PIAS1: variants seen among roughly 807,000 people sequenced by gnomAD.
PIAS1 encodes the protein protein inhibitor of activated STAT 1, also known as E3 SUMO-protein ligase PIAS1.
A neutral mutation model predicts 71.3 loss-of-function variants in PIAS1; 6 were observed. That is an observed-to-expected ratio of 0.08 (90% confidence interval 0.05 to 0.17). The LOEUF (loss-of-function observed/expected upper bound fraction) is 0.17. PIAS1 is among the 10% of genes least tolerant of loss of function. The probability of loss-of-function intolerance (pLI) is 1.00; values close to 1 mark genes in which losing one functional copy is unlikely to be tolerated. For missense variants in PIAS1, 555 were observed against 793.6 expected, an observed-to-expected ratio of 0.70 and a Z score of 3.61; for synonymous variants, 303 against 292.9, an observed-to-expected ratio of 1.03 and a Z score of -0.35.
intron 4 of PIAS1, among the ~76,000 whole-genome samples, chr15:68,143,166 T>C (rs2092784105): frequency 6.6e-6 from 1 of 152,078 alleles, no homozygotes; most frequent in Non-Finnish European, 1.5e-5. Context: ...GGAATAGGGA[T>C]GGAAGAGAAA....
chr15:68,067,596 A>G (rs1288835040), intron 1 of PIAS1, among the ~76,000 whole-genome samples: 1 of 152,130 alleles, frequency 6.6e-6, no homozygotes, highest in South Asian at 2.1e-4. Flanking sequence ...TTATAATACA[A>G]ACTATATTAA....
At chr15:68,177,090 G>T (rs946048708) in intron 11 of PIAS1, among the ~76,000 whole-genome samples, 4 of 151,808 alleles carry the variant, frequency 2.6e-5, no homozygotes, top group Admixed American at 1.3e-4. Flanking sequence ...GACCAGCCTG[G>T]GCAACATGGT....
chr15:68,098,044 C>T (rs530747040), intron 2 of PIAS1, among the ~76,000 whole-genome samples: 1 of 152,002 alleles, frequency 6.6e-6, no homozygotes, highest in African/African-American at 2.4e-5. Flanking sequence ...TTACTCTGTT[C>T]CACTGGTCTA....
chr15:68,143,114 T>C lies in PIAS1; in HGVS notation c.602+777T>C, dbSNP rs182140848. ...CTCCCTTATATAAACCATCATATTA[T>C]GCTTTATTATTCGATTTACCAACTT... is the stretch of plus-strand genomic sequence containing the variant. On this transcript the variant is annotated intron_variant, in intron 4 of 13. Coordinates refer to ENST00000249636, the MANE Select transcript of PIAS1 (RefSeq NM_016166.3). 2.6e-5 allele frequency among the ~76,000 whole-genome samples: 4 copies of C among 152,166 alleles called. No homozygotes were observed. The East Asian group carries it at 7.7e-4, about 29-fold the overall frequency.
chr15:68,139,117 C>T (rs1287167317), intron 2 of PIAS1, among the ~76,000 whole-genome samples: 1 of 152,182 alleles, frequency 6.6e-6, no homozygotes, highest in Non-Finnish European at 1.5e-5. Flanking sequence ...GTGTATGTTT[C>T]TGTGTTTAAA....
At chr15:68,124,412 T>TC (rs1314760413) in intron 2 of PIAS1, among the ~76,000 whole-genome samples, 1 of 151,542 alleles carries the variant, frequency 6.6e-6, no homozygotes, top group Non-Finnish European at 1.5e-5. Context: ...TTTTGTTTTT[T>TC]TTTTTTCATT....
At position 68,054,853 on chromosome 15, in the gene PIAS1, C is replaced by G. The variant is rs2091878211; in HGVS notation, c.24+503C>G. 6.6e-6 allele frequency: 1 copy of G among 152,446 alleles called. No individual in the cohort carries two copies. The highest frequency in any genetic ancestry group is 2.1e-4 in the South Asian group (1 of 4,868). 9.4% of individuals were successfully genotyped at this position (152,446 alleles called of 1,614,324 possible). On this transcript the variant is annotated intron_variant, in intron 1 of 13. Coordinates refer to ENST00000249636, the MANE Select transcript of PIAS1 (RefSeq NM_016166.3). This position sits in a 1 kb window ranked among gnomAD's most constrained non-coding sequence, Gnocchi z 4.6. ...TCGGCCGCCCCGCCCCTCCGTGGAT[C>G]CCAGTAGCCCCCGCCCCGGACTCGG...
intron 8 of PIAS1, among the ~76,000 whole-genome samples, chr15:68,166,796 A>C (rs916840526): frequency 2.0e-5 from 3 of 152,150 alleles, no homozygotes; most frequent in African/African-American, 7.2e-5. Flanking sequence ...ATTACTAGAA[A>C]CTATTAATCA....
At chr15:68,142,085 A>T in intron 3 of PIAS1, 55 bp downstream of exon 3, 1 of 1,208,306 alleles carries the variant, frequency 8.3e-7, no homozygotes, top group Non-Finnish European at 1.2e-6. Flanking sequence ...AGTAGTCTAT[A>T]ATAAATGATT....
At position 68,186,651 on chromosome 15, in the gene PIAS1, C is replaced by A. The variant is rs2093089733; in HGVS notation, c.1663-891C>A. Among the ~76,000 whole-genome samples the A allele has an allele frequency of 6.6e-6, 1 of 152,242 alleles. No individual in the cohort carries two copies. The highest frequency in any genetic ancestry group is 6.5e-5 in the Admixed American group (1 of 15,286). ...TCACTGGCTCACCCAGAGCAACTTC[C>A]AGTACTGCAGGCTCCATTCATGGTA... On this transcript the variant is annotated intron_variant, in intron 13 of 13. Coordinates refer to ENST00000249636, the MANE Select transcript of PIAS1 (RefSeq NM_016166.3). This position sits in a 1 kb window ranked among gnomAD's most constrained non-coding sequence, Gnocchi z 4.4.
intron 13 of PIAS1, chr15:68,184,681 G>A (rs2093075948): frequency 6.6e-6 from 1 of 152,278 alleles, no homozygotes; most frequent in South Asian, 2.1e-4. Flanking sequence ...GATTATGAAG[G>A]AAGATTACTT....
intron 1 of PIAS1, among the ~76,000 whole-genome samples, chr15:68,066,356 G>A (rs2092026073): frequency 6.6e-6 from 1 of 152,004 alleles, no homozygotes. Flanking sequence ...TCATCCACCT[G>A]CCTCAGCCTC....
At chr15:68,120,000 G>T (rs1171063359) in intron 2 of PIAS1, among the ~76,000 whole-genome samples, 1 of 152,068 alleles carries the variant, frequency 6.6e-6, no homozygotes, top group Non-Finnish European at 1.5e-5. Flanking sequence ...TTAAAGATGG[G>T]GTCTACTGTG....
At chr15:68,066,449 T>C (rs1430842294) in intron 1 of PIAS1, among the ~76,000 whole-genome samples, 2 of 152,200 alleles carry the variant, frequency 1.3e-5, no homozygotes, top group African/African-American at 2.4e-5. Context: ...ATCATATGAA[T>C]AAATGAAAAA....
chr15:68,182,611 G>A (rs1440691482), intron 12 of PIAS1, among the ~76,000 whole-genome samples: 1 of 151,984 alleles, frequency 6.6e-6, no homozygotes, highest in Non-Finnish European at 1.5e-5. Context: ...GTAGAGACGG[G>A]GTTTCACCAT....
chr15:68,121,284 A>T (rs2092611457), intron 2 of PIAS1, among the ~76,000 whole-genome samples: 2 of 145,244 alleles, frequency 1.4e-5, no homozygotes, highest in Non-Finnish European at 3.0e-5. Context: ...TTCTTTTGGC[A>T]CTTCAAAAAT....
intron 2 of PIAS1, among the ~76,000 whole-genome samples, chr15:68,089,825 G>A (rs1004939612): frequency 2.0e-5 from 3 of 151,676 alleles, no homozygotes; most frequent in African/African-American, 7.3e-5. Flanking sequence ...CAAAGTGCTG[G>A]GATTACAGGT....
intron 2 of PIAS1, among the ~76,000 whole-genome samples, chr15:68,116,525 A>G (rs1381709051): frequency 6.6e-6 from 1 of 151,932 alleles, no homozygotes; most frequent in Non-Finnish European, 1.5e-5. Flanking sequence ...TCAAGAAGAA[A>G]CCAGCTTTTG....
rs1351627820 is a variant in PIAS1 at position 68,173,177 on chromosome 15, G to C, written c.1009-555G>C. 6.6e-6 allele frequency among the ~76,000 whole-genome samples: 1 copy of C among 151,720 alleles called. No individual in the cohort carries two copies. Among genetic ancestry groups the C allele is most frequent in the Non-Finnish European group, 1.5e-5 (1 of 67,910 alleles). ...GTAAGGTGGTTCTTAAATTTTTTTT[G>C]GATCAAGGACTGCTTTAAGAATTTG... On this transcript the variant is annotated intron_variant, in intron 8 of 13. Coordinates refer to ENST00000249636, the MANE Select transcript of PIAS1 (RefSeq NM_016166.3). This position sits in a 1 kb window ranked among gnomAD's most constrained non-coding sequence, Gnocchi z 4.3.
Sources: gnomAD v4.1 joint callset for allele counts (sites outside exome capture counted in the v4.1 genomes callset) on GRCh38, gnomAD v4.1.1 for gene constraint, Gnocchi (gnomAD v3.1) non-coding constraint, MANE v1.5 for transcripts, NCBI Gene and HGNC (gene_info 2026-07-23, HGNC 2026-07-21) for gene names.